The following CRPPA variants were observed in gnomAD, a reference collection of about 807,000 sequenced individuals.
The protein encoded by CRPPA is CDP-L-ribitol pyrophosphorylase A.
A neutral mutation model predicts 52.0 loss-of-function variants in CRPPA; 43 were observed. The ratio of observed to expected loss-of-function variants is 0.83; its 90% confidence interval spans 0.65 to 1.07. CRPPA has a LOEUF of 1.07. CRPPA is among the 50% of genes least tolerant of loss of function. The pLI is 0.00. For missense variants in CRPPA, 629 were observed against 551.7 expected (o/e 1.14, Z -1.40); for synonymous variants, 250 against 203.5 (o/e 1.23, Z -1.94).
chr7:16,153,933 A>G (rs1316514882), intron 9 of CRPPA, among the ~76,000 whole-genome samples: 1 of 151,878 alleles, frequency 6.6e-6, no homozygotes, highest in African/African-American at 2.4e-5. Context: ...GTAGCAGACC[A>G]TAGACATTTA....
intron 9 of CRPPA, among the ~76,000 whole-genome samples, chr7:16,099,008 G>C (rs1781986096): frequency 6.6e-6 from 1 of 152,162 alleles, no homozygotes; most frequent in African/African-American, 2.4e-5. Flanking sequence ...AACAGTTTTA[G>C]TCTTTTTTAT....
At chr7:16,242,044 G>A (rs1320612234) in intron 8 of CRPPA, among the ~76,000 whole-genome samples, 2 of 135,028 alleles carry the variant, frequency 1.5e-5, no homozygotes, top group Non-Finnish European at 3.1e-5. Context: ...CTGCCCCCCG[G>A]GTTCCAGCGA....
chr7:16,286,099 T>TAG (rs1784442715), intron 5 of CRPPA, among the ~76,000 whole-genome samples: 1 of 47,950 alleles, frequency 2.1e-5, no homozygotes, highest in African/African-American at 9.5e-5. Context: ...AAAAAAAAAA[T>TAG]ATATATATAT....
rs547400634 is a variant in CRPPA, at chr7:16,089,391, T to C, written c.*2304A>G. 1.4e-3 allele frequency: 539 copies of C among 372,914 alleles called. 22 individuals are homozygous for C. Among genetic ancestry groups the C allele is most frequent in the South Asian group, 8.5e-3 (467 of 55,090 alleles). 23.1% of individuals were successfully genotyped at this position (372,914 alleles called of 1,614,324 possible). A position where few individuals can be genotyped will look rare whatever the true frequency, so the allele number is the denominator to read the frequency against. ...GCATGTACATATATACGTATATATG[T>C]ATGTACATAATGTGTATATATGTAC... is the stretch of plus-strand genomic sequence containing the variant. On this transcript the variant is annotated 3_prime_UTR_variant, in exon 10 of 10. Transcript: ENST00000407010.
chr7:16,419,248 AAT>A (rs1788270300), intron 1 of CRPPA, among the ~76,000 whole-genome samples: 1 of 152,244 alleles, frequency 6.6e-6, no homozygotes, highest in Admixed American at 6.5e-5. Context: ...CAGAAAGTAA[AAT>A]AGTCATATGA....
chr7:16,267,634 A>T (rs893383192), intron 6 of CRPPA, among the ~76,000 whole-genome samples: 1 of 152,166 alleles, frequency 6.6e-6, no homozygotes, highest in Admixed American at 6.5e-5. Flanking sequence ...AACATAAATG[A>T]CTAAAATTAA....
intron 2 of CRPPA, among the ~76,000 whole-genome samples, chr7:16,378,083 G>T (rs1374346759): frequency 6.6e-6 from 1 of 151,690 alleles, no homozygotes; most frequent in Non-Finnish European, 1.5e-5. Flanking sequence ...GTGATGTGGT[G>T]ATTTTTCCTT....
intron 9 of CRPPA, among the ~76,000 whole-genome samples, chr7:16,183,766 A>G (rs1462574683): frequency 6.6e-6 from 1 of 152,134 alleles, no homozygotes; most frequent in African/African-American, 2.4e-5. Context: ...AGAACAGAGA[A>G]TGCTCAAAGG....
intron 8 of CRPPA, chr7:16,216,622 C>T (rs1437944843): frequency 6.3e-6 from 1 of 157,510 alleles, no homozygotes; most frequent in Non-Finnish European, 1.4e-5. Context: ...GGCATTGCCT[C>T]ACTTGGGAAG....
intron 1 of CRPPA, among the ~76,000 whole-genome samples, chr7:16,418,960 C>T (rs1788260010): frequency 6.6e-6 from 1 of 152,150 alleles, no homozygotes; most frequent in Non-Finnish European, 1.5e-5. Flanking sequence ...AGCTAATTAC[C>T]ACGCAGATAA....
At chr7:16,334,437 A>T (rs1476123381) in intron 3 of CRPPA, among the ~76,000 whole-genome samples, 2 of 152,100 alleles carry the variant, frequency 1.3e-5, no homozygotes, top group Non-Finnish European at 2.9e-5. Context: ...GTTACTCCAA[A>T]CTTCAGTGCT....
intron 9 of CRPPA, among the ~76,000 whole-genome samples, chr7:16,171,991 T>C (rs1781197003): frequency 6.6e-6 from 1 of 152,164 alleles, no homozygotes; most frequent in Non-Finnish European, 1.5e-5. Flanking sequence ...AGTAGCTATA[T>C]TTTTCCTCAT....
chr7:16,298,875 G>C (rs949147377), intron 5 of CRPPA, among the ~76,000 whole-genome samples: 1 of 152,194 alleles, frequency 6.6e-6, no homozygotes, highest in East Asian at 1.9e-4. Context: ...AGCAGAGACA[G>C]GTTCTGGGTC....
intron 9 of CRPPA, among the ~76,000 whole-genome samples, chr7:16,202,459 G>GTGA (rs1411351506): frequency 6.6e-6 from 1 of 152,132 alleles, no homozygotes; most frequent in Non-Finnish European, 1.5e-5. Flanking sequence ...TGGTCACTCA[G>GTGA]CAGTCACTGA....
At chr7:16,208,060 T>C (rs540816952) in intron 9 of CRPPA, among the ~76,000 whole-genome samples, 1 of 152,302 alleles carries the variant, frequency 6.6e-6, no homozygotes, top group Admixed American at 6.5e-5. Flanking sequence ...ATCTCAACTT[T>C]CTCAATTGCA....
intron 9 of CRPPA, among the ~76,000 whole-genome samples, chr7:16,208,607 C>G (rs1782029391): frequency 6.6e-6 from 1 of 152,156 alleles, no homozygotes; most frequent in African/African-American, 2.4e-5. Context: ...ATTAGCCGTC[C>G]TCTTCTCAAC....
chr7:16,181,953 G>A (rs1781420582), intron 9 of CRPPA, among the ~76,000 whole-genome samples: 1 of 151,776 alleles, frequency 6.6e-6, no homozygotes, highest in Non-Finnish European at 1.5e-5. Context: ...TATAAACAAT[G>A]TAATTAATCT....
rs368521163 is a variant in CRPPA, at chr7:16,342,763, CAA to C, written c.684+33327_684+33328del. 3.5e-4 allele frequency among the ~76,000 whole-genome samples: 23 copies of C among 64,960 alleles called. 1 individual carries two copies. Among genetic ancestry groups the C allele is most frequent in the African/African-American group, 1.3e-3 (22 of 16,782 alleles). The allele number at this position is 64,960 out of a possible 152,430, so 42.6% of individuals were successfully genotyped here. A position where few individuals can be genotyped will look rare whatever the true frequency, so the allele number is the denominator to read the frequency against. On this transcript the variant is annotated intron_variant, in intron 3 of 9. Coordinates refer to ENST00000407010, the MANE Select transcript of CRPPA (RefSeq NM_001101426.4). Reference sequence around the variant, plus strand: ...GGCAACAGGATGAACCCTGTCTCCACAAAAAAAAAAAAAAAAAAAATATATAT... The same window carrying C: ...GGCAACAGGATGAACCCTGTCTCCACAAAAAAAAAAAAAAAAAATATATAT...
In CRPPA at chr7:16,363,357, A is replaced by C. The variant is rs1462869330; in HGVS notation, c.684+12735T>G. 2.0e-5 allele frequency among the ~76,000 whole-genome samples: 3 copies of C among 152,358 alleles called. No homozygotes were observed. The East Asian group carries it at 5.8e-4, about 29-fold the overall frequency. ...ACTTACACAGAGGGAAAATATCCCAAATAAAATATCAGGTAGCTAAATCCA... is the reference window on the plus strand; with the variant it reads ...ACTTACACAGAGGGAAAATATCCCACATAAAATATCAGGTAGCTAAATCCA... On this transcript the variant is annotated intron_variant, in intron 3 of 9. Transcript: ENST00000407010.
Sources: gnomAD v4.1 joint callset for allele counts (sites outside exome capture counted in the v4.1 genomes callset) on GRCh38, gnomAD v4.1.1 for gene constraint, MANE v1.5 for transcripts, NCBI Gene and HGNC (gene_info 2026-07-23, HGNC 2026-07-21) for gene names.